The following DLG2 variants were observed in gnomAD, a reference collection of about 807,000 sequenced individuals.
The protein encoded by DLG2 is discs large MAGUK scaffold protein 2, also known as disks large homolog 2.
DLG2 carries 45 observed loss-of-function variants against 132.5 expected under a neutral mutation model. The observed-to-expected ratio is 0.34, with a 90% CI of 0.27 to 0.44. The LOEUF is 0.44. Ranked by LOEUF, DLG2 falls within the 20% of genes least tolerant of loss-of-function variation. The pLI is 1.00. For synonymous variants in DLG2, 424 were observed against 419.6 expected (o/e 1.01, Z -0.13); for missense variants, 1,045 against 1,196.9 (o/e 0.87, Z 1.87).
At chr11:84,598,515 A>G (rs2099568691) in intron 6 of DLG2, among the ~76,000 whole-genome samples, 1 of 152,198 alleles carries the variant, frequency 6.6e-6, no homozygotes, top group East Asian at 1.9e-4. Flanking sequence ...CCTATTCATC[A>G]CTAAATTCTG....
At chr11:83,516,213 A>T (rs2095287158) in intron 21 of DLG2, among the ~76,000 whole-genome samples, 3 of 152,080 alleles carry the variant, frequency 2.0e-5, no homozygotes, top group African/African-American at 4.8e-5. Flanking sequence ...GTGCTCCTGT[A>T]TTGGGTGCAT....
intron 3 of DLG2, among the ~76,000 whole-genome samples, chr11:85,553,152 G>C (rs1373818914): frequency 6.6e-6 from 1 of 151,636 alleles, no homozygotes; most frequent in African/African-American, 2.4e-5. Context: ...GAACAAAACA[G>C]ACAAAAATTC....
intron 6 of DLG2, among the ~76,000 whole-genome samples, chr11:84,607,977 G>C (rs2099588764): frequency 6.6e-6 from 1 of 152,082 alleles, no homozygotes; most frequent in Non-Finnish European, 1.5e-5. Flanking sequence ...TCTTTGGTTT[G>C]GTGACCTAAG....
At chr11:84,922,760 T>A (rs900711122) in intron 6 of DLG2, among the ~76,000 whole-genome samples, 1 of 152,130 alleles carries the variant, frequency 6.6e-6, no homozygotes, top group East Asian at 1.9e-4. Context: ...CTTTATAGCT[T>A]TTTACCTTCT....
At chr11:85,508,124 T>C (rs757450582) in intron 3 of DLG2, among the ~76,000 whole-genome samples, 15 of 152,122 alleles carry the variant, frequency 9.9e-5, no homozygotes, top group Non-Finnish European at 1.5e-4. Flanking sequence ...CTTTCAAGGT[T>C]TTTAGCTTAT....
intron 10 of DLG2, among the ~76,000 whole-genome samples, chr11:84,093,224 C>T (rs921374795): frequency 7.9e-5 from 12 of 152,160 alleles, no homozygotes; most frequent in African/African-American, 2.9e-4. Flanking sequence ...GCATTCTCAT[C>T]TCAAGGTTCA....
chr11:84,468,632 C>A (rs1394035335), intron 7 of DLG2, among the ~76,000 whole-genome samples: 2 of 151,590 alleles, frequency 1.3e-5, no homozygotes, highest in Non-Finnish European at 1.5e-5. Flanking sequence ...TAACTGGGTC[C>A]TTATCATGGG....
intron 7 of DLG2, among the ~76,000 whole-genome samples, chr11:84,446,380 T>G (rs2099034984): frequency 6.6e-6 from 1 of 152,140 alleles, no homozygotes; most frequent in South Asian, 2.1e-4. Context: ...CTGGTTTCAC[T>G]CATGGTGAGT....
chr11:83,852,734 G>GT (rs1039805504), intron 16 of DLG2, among the ~76,000 whole-genome samples: 1 of 152,070 alleles, frequency 6.6e-6, no homozygotes, highest in African/African-American at 2.4e-5. Context: ...TACAAGTTCT[G>GT]TTTTTTTGCT....
chr11:85,067,877 A>G (rs2065171984), intron 6 of DLG2, among the ~76,000 whole-genome samples: 1 of 152,134 alleles, frequency 6.6e-6, no homozygotes, highest in South Asian at 2.1e-4. Context: ...AATATCCCTG[A>G]TGAACATCGA....
intron 3 of DLG2, among the ~76,000 whole-genome samples, chr11:85,515,701 G>C (rs914372172): frequency 1.3e-5 from 2 of 151,940 alleles, no homozygotes; most frequent in Non-Finnish European, 2.9e-5. Flanking sequence ...GGCAACACTG[G>C]TTTTGTTTTT....
intron 4 of DLG2, among the ~76,000 whole-genome samples, chr11:85,258,029 T>C (rs899425566): frequency 3.3e-5 from 5 of 152,192 alleles, no homozygotes; most frequent in African/African-American, 4.8e-5. Flanking sequence ...CAGGAACTGA[T>C]ACTGTGGTTG....
chr11:85,298,479 C>T (rs973179111), intron 3 of DLG2, among the ~76,000 whole-genome samples: 1 of 152,032 alleles, frequency 6.6e-6, no homozygotes, highest in African/African-American at 2.4e-5. Flanking sequence ...ATCACAGCCT[C>T]ACTTCTGTAA....
chr11:83,793,596 A>G (rs1390664937), intron 17 of DLG2, among the ~76,000 whole-genome samples: 1 of 152,192 alleles, frequency 6.6e-6, no homozygotes, highest in Non-Finnish European at 1.5e-5. Flanking sequence ...GGGAAGGAAC[A>G]AAGGATTTGC....
chr11:84,257,303 T>C (rs1162380189), intron 7 of DLG2, among the ~76,000 whole-genome samples: 1 of 152,172 alleles, frequency 6.6e-6, no homozygotes, highest in Non-Finnish European at 1.5e-5. Flanking sequence ...TCCACATCTC[T>C]AGGTGCTAGT....
chr11:85,499,980 A>G (rs2093759413), intron 3 of DLG2, among the ~76,000 whole-genome samples: 1 of 152,224 alleles, frequency 6.6e-6, no homozygotes, highest in Non-Finnish European at 1.5e-5. Context: ...ATGAACCCAT[A>G]GCAAATATCA....
intron 3 of DLG2, among the ~76,000 whole-genome samples, chr11:85,393,741 T>A (rs947411731): frequency 3.3e-5 from 5 of 152,064 alleles, no homozygotes; most frequent in African/African-American, 1.2e-4. Flanking sequence ...ATAATATGTA[T>A]GTATATTTTA....
Position 84,862,085 on chromosome 11 carries a change from T to A in DLG2, c.357+249576A>T, listed in dbSNP as rs569721607. Among the ~76,000 whole-genome samples the A allele has an allele frequency of 4.0e-5, 6 of 151,258 alleles. No individual in the cohort carries two copies. The East Asian group carries it at 1.2e-3, about 30-fold the overall frequency. On this transcript the variant is annotated intron_variant, in intron 6 of 27. Transcript: ENST00000376104. ...TAGCACTGGGAGATATACCTAATGCTAGATGACGAGTTAGTGCGTGCAGCG... is the reference window on the plus strand; with the variant it reads ...TAGCACTGGGAGATATACCTAATGCAAGATGACGAGTTAGTGCGTGCAGCG...
chr11:84,952,077 A>G (rs1009888939), intron 6 of DLG2, among the ~76,000 whole-genome samples: 27 of 152,208 alleles, frequency 1.8e-4, no homozygotes, highest in Admixed American at 1.3e-3. Context: ...TAAACAATGT[A>G]ACAATTAAAT....
Sources: allele counts gnomAD v4.1 joint callset (sites outside exome capture counted in the v4.1 genomes callset), GRCh38; gene constraint gnomAD v4.1.1; transcripts MANE v1.5; gene names NCBI Gene and HGNC (gene_info 2026-07-23, HGNC 2026-07-21).